Variants in ITPR2 observed in about 807,000 individuals in gnomAD.
ITPR2 encodes inositol 1,4,5-trisphosphate-gated calcium channel ITPR2.
A neutral mutation model predicts 317.1 loss-of-function variants in ITPR2; 207 were observed. The ratio of observed to expected loss-of-function variants is 0.65; its 90% CI spans 0.58 to 0.73. ITPR2 has a LOEUF of 0.73. ITPR2 is among the 30% of genes least tolerant of loss of function. The probability of loss-of-function intolerance (pLI) is 0.00; values close to 1 mark genes in which losing one functional copy is unlikely to be tolerated. For missense variants in ITPR2, 2,613 were observed against 3,284.0 expected (o/e 0.80, Z 4.99); for synonymous variants, 1,156 against 1,149.1 (o/e 1.01, Z -0.12).
At chr12:26,652,192 G>A (rs774952512) in intron 21 of ITPR2, among the ~76,000 whole-genome samples, 2 of 152,088 alleles carry the variant, frequency 1.3e-5, no homozygotes, top group Non-Finnish European at 2.9e-5. Flanking sequence ...CTCAAAGCTT[G>A]CAATGGGAGC....
chr12:26,739,696 A>T (rs1207808521), intron 2 of ITPR2, among the ~76,000 whole-genome samples: 3 of 152,220 alleles, frequency 2.0e-5, no homozygotes, highest in African/African-American at 7.2e-5. Context: ...TTTTGAGATG[A>T]TGTAAGTGAT....
chr12:26,379,386 T>C (rs535137519), intron 55 of ITPR2, among the ~76,000 whole-genome samples: 2 of 152,352 alleles, frequency 1.3e-5, no homozygotes, highest in African/African-American at 4.8e-5. Flanking sequence ...GATTAGTGGC[T>C]ATTATCCACA....
chr12:26,555,455 G>A (rs936646087), intron 36 of ITPR2, among the ~76,000 whole-genome samples: 4 of 152,124 alleles, frequency 2.6e-5, no homozygotes, highest in Admixed American at 6.5e-5. Context: ...TACATGTGAC[G>A]ACCTGCGGAT....
intron 1 of ITPR2, among the ~76,000 whole-genome samples, chr12:26,820,910 A>G (rs1185996110): frequency 6.6e-6 from 1 of 152,210 alleles, no homozygotes; most frequent in African/African-American, 2.4e-5. Context: ...TCACTTATAC[A>G]TGGTACCTAG....
chr12:26,725,556 G>A, intron 3 of ITPR2, 94 bp downstream of exon 3: 3 of 783,158 alleles, frequency 3.8e-6, no homozygotes, highest in Non-Finnish European at 6.5e-6. Flanking sequence ...TCTGTGTTTT[G>A]GGTGAAAGGA....
intron 49 of ITPR2, among the ~76,000 whole-genome samples, chr12:26,420,601 CTGAT>C (rs1292321458): frequency 1.3e-5 from 2 of 152,084 alleles, no homozygotes; most frequent in African/African-American, 4.8e-5. Flanking sequence ...TTCTCCCCTG[CTGAT>C]TAAGTATCCT....
chr12:26,438,909 G>A (rs1565527233), intron 47 of ITPR2, among the ~76,000 whole-genome samples: 2 of 152,246 alleles, frequency 1.3e-5, no homozygotes, highest in East Asian at 1.9e-4. Flanking sequence ...ATGAAGAGTC[G>A]ATGTAATTAG....
At chr12:26,411,230 G>T in intron 52 of ITPR2, 90 bp downstream of exon 52, 2 of 805,132 alleles carry the variant, frequency 2.5e-6, no homozygotes, top group Non-Finnish European at 4.1e-6. Flanking sequence ...CATGAAATTT[G>T]TAGAGCAATT....
At chr12:26,448,819 G>A (rs1941672500) in intron 45 of ITPR2, among the ~76,000 whole-genome samples, 1 of 152,040 alleles carries the variant, frequency 6.6e-6, no homozygotes, top group Non-Finnish European at 1.5e-5. Flanking sequence ...ATAGGAATAA[G>A]AACATGTATA....
At chr12:26,677,059 A>G (rs1397641393) in intron 13 of ITPR2, among the ~76,000 whole-genome samples, 1 of 151,622 alleles carries the variant, frequency 6.6e-6, no homozygotes, top group Non-Finnish European at 1.5e-5. Context: ...CAGGAAGAAT[A>G]TATGGTCAAA....
At chr12:26,443,052 T>C (rs1941522220) in intron 46 of ITPR2, among the ~76,000 whole-genome samples, 1 of 151,920 alleles carries the variant, frequency 6.6e-6, no homozygotes, top group Non-Finnish European at 1.5e-5. Flanking sequence ...ATGAGGGTGG[T>C]GGAGGGGTCA....
In ITPR2 at chr12:26,476,939, A is replaced by T. The variant is rs1430272048; in HGVS notation, c.6192T>A (p.Ile2064=). ...GTTCTCTGGGTCTCATGTTAAAAAG[A>T]ATTCTTTCTGCATTCTCACTGTCAT... ...SRHDSENAER[I]LFNMRPRELV... The change falls in exon 44 of 57, where the codon ATT becomes ATA. Residue 2064 remains isoleucine (I), a synonymous_variant. Coordinates refer to ENST00000381340, the MANE Select transcript of ITPR2 (RefSeq NM_002223.4). 3 of 1,613,244 alleles carry T rather than the reference A, an allele frequency of 1.9e-6. No individual in the cohort carries two copies. Among genetic ancestry groups the T allele is most frequent in the Admixed American group, 1.7e-5 (1 of 59,988 alleles).
rs1482742339 is a variant in ITPR2 at position 26,490,923 on chromosome 12, G to A, written c.5370+3230C>T. ...AATCAATTCTACCCAGTGAGATATG[G>A]AGCCTAGGCTTCTAGGAGAAATGTA... On this transcript the variant is annotated intron_variant, in intron 39 of 56. Transcript: ENST00000381340. Among the ~76,000 whole-genome samples the A allele has an allele frequency of 2.6e-5, 4 of 152,340 alleles. No homozygotes were observed. The East Asian group carries it at 7.7e-4, about 29-fold the overall frequency.
chr12:26,411,179 A>G lies in ITPR2; in HGVS notation c.7399+141T>C, dbSNP rs181538998. On this transcript the variant is annotated intron_variant, in intron 52 of 56. Coordinates refer to ENST00000381340, the MANE Select transcript of ITPR2 (RefSeq NM_002223.4). ...GGGAATCCTTTCTCCTGTTCAAATC[A>G]TCTTGGTTCTTTTACTCTCTATTCT... is the stretch of plus-strand genomic sequence containing the variant. 4.1e-5 allele frequency: 25 copies of G among 608,828 alleles called. No homozygotes were observed. In the Admixed American group the frequency reaches 6.4e-4, roughly 16 times the overall value. 37.7% of individuals were successfully genotyped at this position (608,828 alleles called of 1,614,324 possible). A position where few individuals can be genotyped will look rare whatever the true frequency, so the allele number is the denominator to read the frequency against.
chr12:26,748,056 G>A lies in ITPR2; in HGVS notation c.164-22291C>T, dbSNP rs562746979. Among the ~76,000 whole-genome samples, 13 of 152,112 alleles carry A rather than the reference G, an allele frequency of 8.5e-5. No homozygotes were observed. In the East Asian group the frequency reaches 1.9e-3, roughly 23 times the overall value. On this transcript the variant is annotated intron_variant, in intron 2 of 56. Coordinates refer to ENST00000381340, the MANE Select transcript of ITPR2 (RefSeq NM_002223.4). ...AGGAAGGCTTTCCTAAGAGCTTTTT[G>A]TTTGTTTGTTTTGTTTTTTTGAGAT... is the stretch of plus-strand genomic sequence containing the variant.
intron 37 of ITPR2, among the ~76,000 whole-genome samples, chr12:26,509,150 T>C (rs537771470): frequency 3.9e-4 from 60 of 152,302 alleles, no homozygotes; most frequent in Non-Finnish European, 7.9e-4. Flanking sequence ...AGACCACATA[T>C]TGTATGATTC....
chr12:26,654,456 C>T (rs7304453), intron 20 of ITPR2, among the ~76,000 whole-genome samples: 53,845 of 151,948 alleles, frequency 0.35, 10,201 homozygotes, highest in East Asian at 0.64. Flanking sequence ...AATTAATTAC[C>T]TTAATAAATG....
intron 26 of ITPR2, among the ~76,000 whole-genome samples, chr12:26,613,927 G>C (rs1352145986): frequency 6.6e-6 from 1 of 152,054 alleles, no homozygotes; most frequent in African/African-American, 2.4e-5. Context: ...GCTTCACAGA[G>C]GCAAATAAAA....
At chr12:26,797,255 C>A (rs1389504906) in intron 1 of ITPR2, among the ~76,000 whole-genome samples, 1 of 152,080 alleles carries the variant, frequency 6.6e-6, no homozygotes, top group East Asian at 1.9e-4. Context: ...TAGGAATACA[C>A]ATGGGGTATA....
Sources: allele counts gnomAD v4.1 joint callset (sites outside exome capture counted in the v4.1 genomes callset), GRCh38; gene constraint gnomAD v4.1.1; transcripts MANE v1.5; gene names NCBI Gene and HGNC (gene_info 2026-07-23, HGNC 2026-07-21).